SAMD12: variants seen among roughly 807,000 people sequenced by gnomAD.
The protein encoded by SAMD12 is sterile alpha motif domain-containing protein 12.
SAMD12 carries 9 observed loss-of-function variants against 15.0 expected under a neutral mutation model. The observed-to-expected ratio is 0.60, with a 90% CI of 0.36 to 1.05. SAMD12 has a LOEUF of 1.05. Ranked by LOEUF, SAMD12 falls within the 50% of genes least tolerant of loss-of-function variation. The pLI is 0.01. For synonymous variants in SAMD12, 86 were observed against 90.1 expected (o/e 0.96, Z 0.25); for missense variants, 230 against 234.2 (o/e 0.98, Z 0.12).
At chr8:118,620,026 C>G (rs1828352099) in intron 1 of SAMD12, among the ~76,000 whole-genome samples, 1 of 152,202 alleles carries the variant, frequency 6.6e-6, no homozygotes, top group Admixed American at 6.5e-5. Context: ...GGTACTTTAA[C>G]CAAGTCACTA....
intron 4 of SAMD12, among the ~76,000 whole-genome samples, chr8:118,237,514 C>T (rs1302439186): frequency 6.6e-6 from 1 of 152,058 alleles, no homozygotes; most frequent in Non-Finnish European, 1.5e-5. Context: ...ATTTGCTGTT[C>T]CTTTCCCCAG....
At chr8:118,279,518 T>A (rs1437281945) in intron 4 of SAMD12, among the ~76,000 whole-genome samples, 1 of 152,218 alleles carries the variant, frequency 6.6e-6, no homozygotes, top group Non-Finnish European at 1.5e-5. Context: ...ACGTGAGAAG[T>A]GATGCAAATG....
At chr8:118,177,420 CTTTT>C in the SAMD12 span, among the ~76,000 whole-genome samples, 1 of 148,634 alleles carries the variant, frequency 6.7e-6, no homozygotes, top group South Asian at 2.1e-4. Context: ...TTTTTTTAAT[CTTTT>C]GTAGAGACAG....
intron 3 of SAMD12, among the ~76,000 whole-genome samples, chr8:118,394,236 C>A (rs779457540): frequency 7.1e-4 from 108 of 152,092 alleles, no homozygotes; most frequent in Non-Finnish European, 9.9e-4. Context: ...GGAACATGAA[C>A]AGATTTCCAT....
chr8:118,614,750 C>T (rs1469636413), intron 1 of SAMD12, among the ~76,000 whole-genome samples: 3 of 152,216 alleles, frequency 2.0e-5, no homozygotes, highest in Non-Finnish European at 4.4e-5. Flanking sequence ...GGTGGGCCAC[C>T]GCTGTCACCC....
chr8:118,261,112 T>C (rs1189427689), intron 4 of SAMD12, among the ~76,000 whole-genome samples: 1 of 152,122 alleles, frequency 6.6e-6, no homozygotes, highest in African/African-American at 2.4e-5. Context: ...TCTTAAAATT[T>C]TTCATTTGTC....
intron 3 of SAMD12, among the ~76,000 whole-genome samples, chr8:118,416,949 G>C (rs1821728134): frequency 6.6e-6 from 1 of 152,110 alleles, no homozygotes; most frequent in Non-Finnish European, 1.5e-5. Context: ...AAAAAATGCA[G>C]CAGATAAAAA....
At chr8:118,539,322 A>G (rs1045905477) in intron 2 of SAMD12, among the ~76,000 whole-genome samples, 1 of 152,168 alleles carries the variant, frequency 6.6e-6, no homozygotes, top group Non-Finnish European at 1.5e-5. Context: ...GCTAAAGACA[A>G]TTCTGTGTTC....
chr8:118,407,165 A>G (rs566266295), intron 3 of SAMD12, among the ~76,000 whole-genome samples: 2 of 152,260 alleles, frequency 1.3e-5, no homozygotes, highest in South Asian at 2.1e-4. Context: ...TCTGGTTTCA[A>G]TTCTTTTAAA....
At chr8:118,163,063 T>G in the SAMD12 span, among the ~76,000 whole-genome samples, 1 of 152,156 alleles carries the variant, frequency 6.6e-6, no homozygotes, top group Non-Finnish European at 1.5e-5. Flanking sequence ...CTCCTGCCAT[T>G]TTTTAAAAGA....
At chr8:118,462,883 A>T (rs895458445) in intron 2 of SAMD12, among the ~76,000 whole-genome samples, 7 of 152,030 alleles carry the variant, frequency 4.6e-5, no homozygotes, top group African/African-American at 1.7e-4. Flanking sequence ...CGGGCGGATC[A>T]CGAGGTCAGG....
At chr8:118,611,961 TC>T (rs778830487) in intron 1 of SAMD12, among the ~76,000 whole-genome samples, 3 of 152,106 alleles carry the variant, frequency 2.0e-5, no homozygotes, top group Non-Finnish European at 4.4e-5. Context: ...CAAGCACTAC[TC>T]CCATTGTATA....
At chr8:118,502,138 G>T (rs1702303003) in intron 2 of SAMD12, among the ~76,000 whole-genome samples, 1 of 151,860 alleles carries the variant, frequency 6.6e-6, no homozygotes, top group Non-Finnish European at 1.5e-5. Context: ...ACTTTCTGTA[G>T]TAAGATTACA....
chr8:118,288,958 A>AT (rs540964250), intron 4 of SAMD12, among the ~76,000 whole-genome samples: 30 of 152,344 alleles, frequency 2.0e-4, no homozygotes, highest in Admixed American at 1.2e-3. Flanking sequence ...CTTCCTGGTC[A>AT]TTTTGGAATT....
chr8:118,594,638 G>A (rs1827675771), intron 1 of SAMD12, among the ~76,000 whole-genome samples: 1 of 152,126 alleles, frequency 6.6e-6, no homozygotes, highest in Non-Finnish European at 1.5e-5. Flanking sequence ...AATCAGGAAA[G>A]ACTACGAGAA....
chr8:118,348,563 G>A (rs553810265), intron 4 of SAMD12, among the ~76,000 whole-genome samples: 6 of 152,004 alleles, frequency 3.9e-5, no homozygotes, highest in African/African-American at 1.2e-4. Flanking sequence ...TAGTAGAGAC[G>A]GGGTTTCACC....
At chr8:118,476,703 A>C (rs1823969459) in intron 2 of SAMD12, among the ~76,000 whole-genome samples, 1 of 152,240 alleles carries the variant, frequency 6.6e-6, no homozygotes, top group Non-Finnish European at 1.5e-5. Context: ...AGGTGGCTCT[A>C]GGAACATGAC....
intron 2 of SAMD12, among the ~76,000 whole-genome samples, chr8:118,449,724 C>T (rs1823019319): frequency 6.7e-6 from 1 of 148,628 alleles, no homozygotes; most frequent in South Asian, 2.1e-4. Context: ...TGGCGTGAAC[C>T]CGGGAGGCAG....
chr8:118,433,973 G>A (rs958813554), intron 3 of SAMD12, among the ~76,000 whole-genome samples: 13 of 152,086 alleles, frequency 8.5e-5, no homozygotes, highest in African/African-American at 2.9e-4. Flanking sequence ...CACCCCATTG[G>A]TTTCTACAGG....
Sources: gnomAD v4.1 joint callset for allele counts (sites outside exome capture counted in the v4.1 genomes callset) on GRCh38, gnomAD v4.1.1 for gene constraint, MANE v1.5 for transcripts, NCBI Gene and HGNC (gene_info 2026-07-23, HGNC 2026-07-21) for gene names.